Variants in DLGAP2 observed in about 807,000 individuals in gnomAD.
The protein encoded by DLGAP2 is DLG associated protein 2, also known as disks large-associated protein 2.
DLGAP2 carries 26 observed loss-of-function variants against 100.3 expected under a neutral mutation model. The ratio of observed to expected loss-of-function variants is 0.26; its 90% CI spans 0.19 to 0.36. The LOEUF is 0.36. Among genes scored for constraint, DLGAP2 ranks in the 10% least tolerant of loss-of-function variants. The probability of loss-of-function intolerance (pLI) is 1.00; values close to 1 mark genes in which losing one functional copy is unlikely to be tolerated. For synonymous variants in DLGAP2, 886 were observed against 630.1 expected (o/e 1.41, Z -6.08); for missense variants, 1,858 against 1,453.2 (o/e 1.28, Z -4.53).
intron 3 of DLGAP2, among the ~76,000 whole-genome samples, chr8:1,326,194 C>T (rs1275128191): frequency 1.3e-5 from 2 of 152,172 alleles, no homozygotes; most frequent in African/African-American, 4.8e-5. Context: ...CATGCTTTTA[C>T]CATTTGTCTT....
Position 1,632,838 on chromosome 8 carries a change from G to C in DLGAP2, c.1602G>C (p.Ala534=), listed in dbSNP as rs527705861. The C allele has an allele frequency of 1.3e-4, 207 of 1,609,874 alleles. No homozygotes were observed. The Admixed American group carries it at 3.3e-3, about 26-fold the overall frequency. ...QASCVSQVSE[A]EINGQFESVC... ...GTTGATGATTGCAGGTGAGCGAGGCGGAGATCAATGGGCAATTCGAGTCCG... is the reference window on the plus strand; with the variant it reads ...GTTGATGATTGCAGGTGAGCGAGGCCGAGATCAATGGGCAATTCGAGTCCG... The change falls in exon 8 of 15, where the codon GCG becomes GCC. Residue 534 remains alanine, a synonymous_variant. Coordinates refer to ENST00000637795, the MANE Select transcript of DLGAP2 (RefSeq NM_001346810.2).
chr8:741,754 G>T (rs1172746910), intron 1 of DLGAP2, among the ~76,000 whole-genome samples: 1 of 152,216 alleles, frequency 6.6e-6, no homozygotes, highest in Non-Finnish European at 1.5e-5. Context: ...GGTTGGCTTG[G>T]CGGACCCTAC....
intron 2 of DLGAP2, among the ~76,000 whole-genome samples, chr8:1,163,340 G>A (rs1309578017): frequency 6.6e-6 from 1 of 152,182 alleles, no homozygotes; most frequent in Admixed American, 6.5e-5. Context: ...CGGCCTTCCC[G>A]GGGTGTCGTG....
At chr8:1,225,499 G>T (rs1798395876) in intron 2 of DLGAP2, among the ~76,000 whole-genome samples, 1 of 152,200 alleles carries the variant, frequency 6.6e-6, no homozygotes, top group Non-Finnish European at 1.5e-5. Flanking sequence ...CTTGAAACTG[G>T]ACAGAGCTGG....
intron 3 of DLGAP2, among the ~76,000 whole-genome samples, chr8:1,392,795 C>A (rs1045565674): frequency 5.1e-5 from 7 of 136,498 alleles, no homozygotes; most frequent in African/African-American, 1.9e-4. Flanking sequence ...ATAATTGCAG[C>A]TTGAAACTCC....
intron 2 of DLGAP2, among the ~76,000 whole-genome samples, chr8:964,049 T>A (rs1799788573): frequency 6.6e-6 from 1 of 152,256 alleles, no homozygotes; most frequent in Non-Finnish European, 1.5e-5. Context: ...TAAAACTATA[T>A]GGAAAACTTT....
intron 6 of DLGAP2, among the ~76,000 whole-genome samples, chr8:1,610,265 A>G (rs1311132994): frequency 4.0e-5 from 6 of 151,646 alleles, no homozygotes; most frequent in African/African-American, 7.3e-5. Context: ...CATGGAAACT[A>G]AACAACCTGC....
intron 1 of DLGAP2, among the ~76,000 whole-genome samples, chr8:793,503 G>T (rs1221325869): frequency 1.3e-5 from 2 of 152,182 alleles, no homozygotes; most frequent in Non-Finnish European, 2.9e-5. Context: ...ACGCTGCTGG[G>T]TCTTTATGGC....
chr8:1,582,330 A>G (rs1239239704), intron 6 of DLGAP2, among the ~76,000 whole-genome samples: 1 of 149,592 alleles, frequency 6.7e-6, no homozygotes, highest in Non-Finnish European at 1.5e-5. Flanking sequence ...AAAAAAAAAG[A>G]AAGAAAGAAA....
intron 4 of DLGAP2, among the ~76,000 whole-genome samples, chr8:1,545,545 T>C (rs777605044): frequency 5.9e-5 from 9 of 152,226 alleles, no homozygotes; most frequent in Admixed American, 1.3e-4. Context: ...GTTTGCTACC[T>C]CATTTTCACA....
At chr8:1,633,407 T>G (rs996160656) in intron 8 of DLGAP2, among the ~76,000 whole-genome samples, 1 of 152,202 alleles carries the variant, frequency 6.6e-6, no homozygotes, top group Non-Finnish European at 1.5e-5. Flanking sequence ...TGATGCGCAG[T>G]GACTCTCAGG....
chr8:1,549,240 G>T lies in DLGAP2; in HGVS notation c.787G>T (p.Ala263Ser), dbSNP rs755574274. ...CAACGGCACCAAGGCGGACGGCCGGGCGGACGACCACCACCACGCCCACCA... is the reference window on the plus strand; with the variant it reads ...CAACGGCACCAAGGCGGACGGCCGGTCGGACGACCACCACCACGCCCACCA... ...NANGTKADGRADDHHHAHHAK... is the reference protein window; with the variant it reads ...NANGTKADGRSDDHHHAHHAK... The change falls in exon 5 of 15, where the codon GCG (alanine) becomes TCG (serine). Residue 263 changes from alanine to serine, a missense_variant. Coordinates refer to ENST00000637795, the MANE Select transcript of DLGAP2 (RefSeq NM_001346810.2). The T allele has an allele frequency of 2.5e-6, 4 of 1,607,134 alleles. No homozygotes were observed. The African/African-American group carries it at 4.0e-5, about 16-fold the overall frequency.
At chr8:1,110,603 G>A (rs1404011952) in intron 2 of DLGAP2, among the ~76,000 whole-genome samples, 1 of 152,078 alleles carries the variant, frequency 6.6e-6, no homozygotes, top group Admixed American at 6.6e-5. Flanking sequence ...GTCTGCATCT[G>A]GCATGTGAGA....
chr8:1,243,496 A>G (rs1255940861), intron 2 of DLGAP2, among the ~76,000 whole-genome samples: 2 of 152,136 alleles, frequency 1.3e-5, no homozygotes, highest in Non-Finnish European at 1.5e-5. Context: ...TGGCCATTGC[A>G]TTATTTATGT....
intron 2 of DLGAP2, among the ~76,000 whole-genome samples, chr8:1,118,148 T>C (rs1795939772): frequency 1.3e-5 from 2 of 152,184 alleles, no homozygotes; most frequent in South Asian, 4.1e-4. Flanking sequence ...TAACCGCAGT[T>C]CAGAAAGTGC....
At chr8:1,068,774 C>G (rs962993256) in intron 2 of DLGAP2, among the ~76,000 whole-genome samples, 7 of 149,970 alleles carry the variant, frequency 4.7e-5, no homozygotes, top group African/African-American at 1.5e-4. Context: ...GGGCCCCTCC[C>G]CAAGTGCTTT....
rs571858192 is a variant in DLGAP2, at chr8:1,464,780, G to A, written c.107-36586G>A. ...ACGCCTCACCGTCCTGGCCTCCAGCGAAGCACCGGGACGTAGAGAGGCCAT... is the reference window on the plus strand; with the variant it reads ...ACGCCTCACCGTCCTGGCCTCCAGCAAAGCACCGGGACGTAGAGAGGCCAT... On this transcript the variant is annotated intron_variant, in intron 3 of 14. Transcript: ENST00000637795. 2.2e-4 allele frequency among the ~76,000 whole-genome samples: 34 copies of A among 152,304 alleles called. 1 individual carries two copies. Among genetic ancestry groups the A allele is most frequent in the African/African-American group, 6.5e-4 (27 of 41,566 alleles).
chr8:974,574 T>C (rs1007515157), intron 2 of DLGAP2, among the ~76,000 whole-genome samples: 7 of 152,190 alleles, frequency 4.6e-5, no homozygotes, highest in African/African-American at 1.7e-4. Context: ...GGAATTAAAC[T>C]AGAAATTAGT....
chr8:1,553,125 C>T (rs1012443893), intron 5 of DLGAP2, among the ~76,000 whole-genome samples: 5 of 152,182 alleles, frequency 3.3e-5, no homozygotes, highest in Admixed American at 6.5e-5. Flanking sequence ...GGAGGGACAG[C>T]GGGGCCCCTG....
Sources: allele counts gnomAD v4.1 joint callset (sites outside exome capture counted in the v4.1 genomes callset), GRCh38; gene constraint gnomAD v4.1.1; transcripts MANE v1.5; gene names NCBI Gene and HGNC (gene_info 2026-07-23, HGNC 2026-07-21).